SETBP1: variants seen among roughly 807,000 people sequenced by gnomAD.
SETBP1 encodes the protein SET binding protein 1.
In SETBP1, 9 loss-of-function variants were observed where a neutral mutation model predicts 101.0. The ratio of observed to expected loss-of-function variants is 0.09; its 90% CI spans 0.05 to 0.16. The LOEUF (loss-of-function observed/expected upper bound fraction) is 0.16, where lower values mean the gene tolerates loss of function less well. SETBP1 is among the 10% of genes least tolerant of loss of function. SETBP1 has a pLI of 1.00. For missense variants in SETBP1, 1,858 were observed against 2,033.8 expected (o/e 0.91, Z 1.66); for synonymous variants, 818 against 788.5 (o/e 1.04, Z -0.63).
intron 2 of SETBP1, among the ~76,000 whole-genome samples, chr18:44,856,359 C>A (rs1487613432): frequency 3.3e-5 from 5 of 152,190 alleles, no homozygotes; most frequent in Non-Finnish European, 1.5e-5. Flanking sequence ...GCTAAGACTT[C>A]TAAAGCCAAG....
At chr18:44,700,085 T>G (rs1442869939) in intron 1 of SETBP1, among the ~76,000 whole-genome samples, 1 of 152,162 alleles carries the variant, frequency 6.6e-6, no homozygotes, top group Non-Finnish European at 1.5e-5. Context: ...GAGGATGTGA[T>G]GTTTGCAGCC....
chr18:45,015,343 T>A (rs1265021030), intron 4 of SETBP1, among the ~76,000 whole-genome samples: 1 of 152,250 alleles, frequency 6.6e-6, no homozygotes, highest in African/African-American at 2.4e-5. Context: ...ACCTGCCCCC[T>A]CTGCCAGATC....
rs1358107738 is a variant in SETBP1, at chr18:44,962,654, C to T, written c.4000+9314C>T. Among the ~76,000 whole-genome samples the T allele has an allele frequency of 5.3e-5, 8 of 152,204 alleles. No individual in the cohort carries two copies. The South Asian group carries it at 6.2e-4, about 12-fold the overall frequency. On this transcript the variant is annotated intron_variant, in intron 4 of 5. Coordinates refer to ENST00000649279, the MANE Select transcript of SETBP1 (RefSeq NM_015559.3). ...AAAAAGAAACCCCAAAACTAACTAT[C>T]AGTGAAATAAGCTGCATGTTGTAAA...
chr18:44,767,297 C>A (rs1295623812), intron 2 of SETBP1, among the ~76,000 whole-genome samples: 1 of 152,104 alleles, frequency 6.6e-6, no homozygotes, highest in Non-Finnish European at 1.5e-5. Context: ...TGTTTTCTTT[C>A]ATTCCCCAAA....
chr18:45,034,919 A>T (rs2073366267), intron 4 of SETBP1, among the ~76,000 whole-genome samples: 1 of 152,070 alleles, frequency 6.6e-6, no homozygotes, highest in Non-Finnish European at 1.5e-5. Context: ...GGGTTTCTTT[A>T]TGATCACCCT....
chr18:44,984,240 T>A (rs923867672), intron 4 of SETBP1, among the ~76,000 whole-genome samples: 1 of 152,158 alleles, frequency 6.6e-6, no homozygotes, highest in African/African-American at 2.4e-5. Context: ...TCAACTTTTT[T>A]AGTGCTAGGG....
At chr18:45,035,084 C>T (rs1425103826) in intron 4 of SETBP1, among the ~76,000 whole-genome samples, 1 of 152,096 alleles carries the variant, frequency 6.6e-6, no homozygotes, top group South Asian at 2.1e-4. Context: ...TTCCAGTAGC[C>T]TGCCCAATGC....
chr18:45,000,793 AAC>A lies in SETBP1; in HGVS notation c.4001-37661_4001-37660del, dbSNP rs113870439. Among the ~76,000 whole-genome samples, 1,217 of 146,786 alleles carry A rather than the reference AAC, an allele frequency of 8.3e-3. 16 individuals are homozygous for A. Among genetic ancestry groups the A allele is most frequent in the African/African-American group, 0.029 (1,145 of 39,648 alleles). On this transcript the variant is annotated intron_variant, in intron 4 of 5. Transcript: ENST00000649279. The stretch of plus-strand genomic sequence containing the variant: ...GCCATACATCAACGGGAATGCACAC[AAC>A]ACACACACACACACACACACACACA...
At chr18:44,990,927 G>GAAAAAAAA (rs996043221) in intron 4 of SETBP1, among the ~76,000 whole-genome samples, 10 of 63,118 alleles carry the variant, frequency 1.6e-4, no homozygotes, top group East Asian at 4.5e-4. Context: ...CAGAGAGAGA[G>GAAAAAAAA]AAAAAAAAAA....
At position 45,038,523 on chromosome 18, in the gene SETBP1, G is replaced by A. The variant is rs1332598357; in HGVS notation, c.4039G>A (p.Val1347Met). Residue 1347 changes from valine to methionine, a missense_variant, in exon 5 of 6, where the codon GTG (valine) becomes ATG (methionine). By Grantham distance (21) the Val-to-Met change is conservative. Coordinates refer to ENST00000649279, the MANE Select transcript of SETBP1 (RefSeq NM_015559.3). The part of the protein sequence containing the change: ...SPHLKVDQTA[V>M]HSKNEGSVPT... Reference sequence around the variant, plus strand: ...CCACTTAAAAGTGGACCAGACAGCAGTGCATAGTAAGAACGAAGGCTCAGT... The same window carrying A: ...CCACTTAAAAGTGGACCAGACAGCAATGCATAGTAAGAACGAAGGCTCAGT... 1 of 1,614,148 alleles carries A rather than the reference G, an allele frequency of 6.2e-7. No individual in the cohort carries two copies. The highest frequency in any genetic ancestry group is 1.7e-5 in the Admixed American group (1 of 60,020).
chr18:44,725,183 C>T lies in SETBP1; in HGVS notation c.486+23351C>T, dbSNP rs577317186. On this transcript the variant is annotated intron_variant, in intron 2 of 5. Transcript: ENST00000649279. ...GACACATAAGCAGGTGATTGCAACA[C>T]GTGAGACTCCCATCTTGATGCTGTT... 2.3e-3 allele frequency among the ~76,000 whole-genome samples: 343 copies of T among 152,304 alleles called. 4 individuals carry two copies. Among genetic ancestry groups the T allele is most frequent in the African/African-American group, 7.3e-3 (303 of 41,568 alleles).
upstream of SETBP1, chr18:44,680,242 C>G (rs1213363962): frequency 6.8e-6 from 1 of 147,090 alleles, no homozygotes; most frequent in Non-Finnish European, 1.5e-5. Flanking sequence ...CCGGCGCCCC[C>G]CGAGCTAGGG....
At chr18:44,839,013 C>T (rs1488983502) in intron 2 of SETBP1, among the ~76,000 whole-genome samples, 1 of 151,328 alleles carries the variant, frequency 6.6e-6, no homozygotes, top group African/African-American at 2.4e-5. Flanking sequence ...ACTCAACTGT[C>T]GGTTTGAAGG....
Position 44,788,213 on chromosome 18 carries a change from G to C in SETBP1, c.487-81017G>C, listed in dbSNP as rs530402828. On this transcript the variant is annotated intron_variant, in intron 2 of 5. Transcript: ENST00000649279. Reference sequence around the variant, plus strand: ...GTAAGAAATGGTGCCACTTCTCTTGGGCAGATAGGAGGGAAGGCTGCCTCC... The same window carrying C: ...GTAAGAAATGGTGCCACTTCTCTTGCGCAGATAGGAGGGAAGGCTGCCTCC... 3.3e-5 allele frequency among the ~76,000 whole-genome samples: 5 copies of C among 152,106 alleles called. No homozygotes were observed. The South Asian group carries it at 1.0e-3, about 32-fold the overall frequency.
intron 3 of SETBP1, among the ~76,000 whole-genome samples, chr18:44,938,270 G>A (rs536753789): frequency 6.6e-6 from 1 of 152,192 alleles, no homozygotes; most frequent in African/African-American, 2.4e-5. Context: ...GTCCCTGAAC[G>A]TGACAGTCCC....
At chr18:44,781,448 G>GCTCTCTCTCT (rs139439080) in intron 2 of SETBP1, among the ~76,000 whole-genome samples, 1 of 142,668 alleles carries the variant, frequency 7.0e-6, no homozygotes, top group African/African-American at 2.6e-5. Context: ...TCTTTGCACC[G>GCTCTCTCTCT]CTCTCTCTCT....
intron 3 of SETBP1, among the ~76,000 whole-genome samples, chr18:44,926,762 AAACAAC>A (rs200000678): frequency 0.18 from 17,732 of 95,934 alleles, 1,053 homozygotes; most frequent in East Asian, 0.32. Context: ...ACAAACAAAC[AAACAAC>A]AACAACAACA....
At position 44,950,663 on chromosome 18, in the gene SETBP1, C is replaced by A; in HGVS notation, c.1323C>A (p.Ile441=). ...IMPEKALASG[I]TMSSEVVNRI... ...CAGAGAAAGCCTTGGCTTCTGGAAT[C>A]ACCATGAGCAGTGAAGTAGTTAACA... The change falls in exon 4 of 6, where the codon ATC becomes ATA. Residue 441 remains isoleucine (I), a synonymous_variant. Transcript: ENST00000649279. 1 of 1,614,160 alleles carries A rather than the reference C, an allele frequency of 6.2e-7. No homozygotes were observed. The highest frequency in any genetic ancestry group is 2.2e-5 in the East Asian group (1 of 44,864).
intron 2 of SETBP1, among the ~76,000 whole-genome samples, chr18:44,757,131 A>G (rs916462628): frequency 3.3e-5 from 5 of 152,062 alleles, no homozygotes; most frequent in African/African-American, 7.3e-5. Context: ...ATGAGCCCCT[A>G]TGATATTGTC....
Sources: gnomAD v4.1 joint callset for allele counts (sites outside exome capture counted in the v4.1 genomes callset) on GRCh38, gnomAD v4.1.1 for gene constraint, MANE v1.5 for transcripts, NCBI Gene and HGNC (gene_info 2026-07-23, HGNC 2026-07-21) for gene names.